C1QTNF1: variants seen among roughly 807,000 people sequenced by gnomAD.
The protein encoded by C1QTNF1 is complement C1q tumor necrosis factor-related protein 1.
Under a neutral mutation model 27.8 loss-of-function variants are expected in C1QTNF1, and 22 were observed. The ratio of observed to expected loss-of-function variants is 0.79; its 90% CI spans 0.56 to 1.13. The LOEUF is 1.13. Ranked by LOEUF, C1QTNF1 falls within the 50% of genes most tolerant of loss-of-function variation. The pLI is 0.00. For synonymous variants in C1QTNF1, 166 were observed against 154.3 expected, an observed-to-expected ratio of 1.08 and a Z score of -0.56; for missense variants, 373 against 380.2, an observed-to-expected ratio of 0.98 and a Z score of 0.16.
chr17:79,047,576 A>G lies in C1QTNF1; in HGVS notation c.334A>G (p.Lys112Glu). 1 of 1,536,914 alleles carries G rather than the reference A, an allele frequency of 6.5e-7. No homozygotes were observed. The highest frequency in any genetic ancestry group is 8.7e-7 in the Non-Finnish European group (1 of 1,144,294). ...CCGCGGAGATCGAGGCCTCCAAGGGAAATATGGCAAAACAGGCTCAGCAGG... is the reference window on the plus strand; with the variant it reads ...CCGCGGAGATCGAGGCCTCCAAGGGGAATATGGCAAAACAGGCTCAGCAGG... The part of the protein sequence containing the change: ...GDRGDRGLQG[K>E]YGKTGSAGAR... The change falls in exon 4 of 4, where the codon AAA (lysine) becomes GAA (glutamate). Residue 112 changes from lysine to glutamate, a missense_variant. Coordinates refer to ENST00000579760, the MANE Select transcript of C1QTNF1 (RefSeq NM_030968.5).
intron 1 of C1QTNF1, among the ~76,000 whole-genome samples, chr17:79,028,224 C>G (rs2072027062): frequency 1.3e-5 from 2 of 152,180 alleles, no homozygotes; most frequent in African/African-American, 4.8e-5. Context: ...TGTGCTGGGT[C>G]AAATGTTGTT....
rs552824479 is a variant in C1QTNF1, at chr17:79,032,404, C to T, written c.-15+7910C>T. 2.6e-5 allele frequency among the ~76,000 whole-genome samples: 4 copies of T among 152,208 alleles called. No individual in the cohort carries two copies. In the South Asian group the frequency reaches 8.3e-4, roughly 32 times the overall value. On this transcript the variant is annotated intron_variant, in intron 1 of 3. Coordinates refer to ENST00000579760, the MANE Select transcript of C1QTNF1 (RefSeq NM_030968.5). ...GGGACTCACGCGGGGTGGGGAAGGG[C>T]CAGATGGAAACGCTCAGGGCTTACT...
At chr17:79,029,120 A>G (rs2072058615) in intron 1 of C1QTNF1, among the ~76,000 whole-genome samples, 1 of 152,202 alleles carries the variant, frequency 6.6e-6, no homozygotes, top group African/African-American at 2.4e-5. Flanking sequence ...GATGAATGCA[A>G]GGGCTCAGCT....
chr17:79,037,829 G>T (rs572936276), intron 1 of C1QTNF1, among the ~76,000 whole-genome samples: 11 of 152,080 alleles, frequency 7.2e-5, no homozygotes, highest in African/African-American at 2.7e-4. Context: ...ACACCACCAT[G>T]CCTGGCTAAT....
chr17:79,042,390 T>C (rs2072436783), intron 1 of C1QTNF1, among the ~76,000 whole-genome samples: 1 of 152,214 alleles, frequency 6.6e-6, no homozygotes, highest in African/African-American at 2.4e-5. Flanking sequence ...AGAAGGACTG[T>C]CCCAATACTG....
At chr17:79,032,332 A>C (rs1003502853) in intron 1 of C1QTNF1, among the ~76,000 whole-genome samples, 1 of 152,186 alleles carries the variant, frequency 6.6e-6, no homozygotes, top group Non-Finnish European at 1.5e-5. Context: ...CGAGACCTCA[A>C]GTGTGATCTG....
intron 2 of C1QTNF1, among the ~76,000 whole-genome samples, chr17:79,045,532 C>T (rs1452658987): frequency 1.3e-5 from 2 of 152,092 alleles, no homozygotes; most frequent in African/African-American, 4.8e-5. Context: ...TGATGAGGGC[C>T]CTGGGCTCAG....
chr17:79,047,762 C>A lies in C1QTNF1; in HGVS notation c.520C>A (p.Leu174Ile). 6.2e-7 allele frequency: 1 copy of A among 1,614,176 alleles called. No individual in the cohort carries two copies. ...GATCTTCGACACGGAGTTCGTGAAC[C>A]TCTACGACCACTTCAACATGTTCAC... ...TVIFDTEFVN[L>I]YDHFNMFTGK... The change falls in exon 4 of 4, where the codon CTC becomes ATC. Residue 174 changes from leucine to isoleucine, a missense_variant. Leu to Ile is a conservative substitution (Grantham distance 5). Transcript: ENST00000579760.
rs767984864 is a variant in C1QTNF1, at chr17:79,047,550, A to G, written c.308A>G (p.Asp103Gly). 4 of 1,526,294 alleles carry G rather than the reference A, an allele frequency of 2.6e-6. No homozygotes were observed. In the African/African-American group the frequency reaches 4.2e-5, roughly 16 times the overall value. 94.5% of individuals were successfully genotyped at this position (1,526,294 alleles called of 1,614,324 possible). ...CCATCCCTTTTAGGGGAGAAGGGTG[A>G]CCGCGGAGATCGAGGCCTCCAAGGG... ...NITILKGEKG[D>G]RGDRGLQGKY... Residue 103 changes from aspartate (D) to glycine (G), a missense_variant, in exon 4 of 4, where the codon GAC (aspartate) becomes GGC (glycine). By Grantham distance (94) the Asp-to-Gly change is moderately conservative. Transcript: ENST00000579760.
At chr17:79,023,704 G>GCGCGCGCGCACACACACACACA (rs1267428917), upstream of C1QTNF1, among the ~76,000 whole-genome samples, 1 of 144,936 alleles carries the variant, frequency 6.9e-6, no homozygotes, top group African/African-American at 2.6e-5. Context: ...GCGCGCGCGC[G>GCGCGCGCGCACACACACACACA]CACACACACA....
upstream of C1QTNF1, among the ~76,000 whole-genome samples, chr17:79,023,704 G>GCGCGCACACACACACA (rs1267428917): frequency 1.8e-3 from 259 of 145,022 alleles, 3 homozygotes; most frequent in East Asian, 0.022. Flanking sequence ...GCGCGCGCGC[G>GCGCGCACACACACACA]CACACACACA....
rs1294630730 is a variant in C1QTNF1 at position 79,048,056 on chromosome 17, G to A, written c.814G>A (p.Gly272Ser). ...EELDTYITFSGYLVKHATEP is the reference protein window; with the variant it reads ...EELDTYITFSSYLVKHATEP ...GCTGGACACCTACATCACCTTCAGT[G>A]GCTACCTGGTCAAGCACGCCACCGA... The change falls in exon 4 of 4, where the codon GGC (glycine) becomes AGC (serine). Residue 272 changes from glycine (G) to serine (S), a missense_variant. Transcript: ENST00000579760. 6.3e-7 allele frequency: 1 copy of A among 1,580,766 alleles called. No individual in the cohort carries two copies. The highest frequency in any genetic ancestry group is 8.6e-7 in the Non-Finnish European group (1 of 1,167,084).
Position 79,049,412 on chromosome 17 carries a change from G to C in C1QTNF1, c.*1324G>C, listed in dbSNP as rs962817167. The C allele has an allele frequency of 2.0e-5, 3 of 152,352 alleles. No homozygotes were observed. Among genetic ancestry groups the C allele is most frequent in the Non-Finnish European group, 4.4e-5 (3 of 68,210 alleles). 9.4% of individuals were successfully genotyped at this position (152,352 alleles called of 1,614,324 possible). ...CAATTGCAGGACCAGCTGGAGCAGGGTTGCGGTGTCTCCACGGTGCTCTCG... is the reference window on the plus strand; with the variant it reads ...CAATTGCAGGACCAGCTGGAGCAGGCTTGCGGTGTCTCCACGGTGCTCTCG... On this transcript the variant is annotated 3_prime_UTR_variant, in exon 4 of 4. Transcript: ENST00000579760. This position sits in a 1 kb window ranked among gnomAD's most constrained non-coding sequence, Gnocchi z 4.4.
At chr17:79,043,127 G>T (rs1047286545) in intron 1 of C1QTNF1, among the ~76,000 whole-genome samples, 5 of 150,898 alleles carry the variant, frequency 3.3e-5, no homozygotes, top group Non-Finnish European at 7.4e-5. Flanking sequence ...GTATGTGAAT[G>T]TGTGTGCATG....
In C1QTNF1 at chr17:79,048,387, G is replaced by A. The variant is rs905303606; in HGVS notation, c.*299G>A. The stretch of plus-strand genomic sequence containing the variant: ...GGCGAGACGCGGGTGGCGGCAGGGC[G>A]TCCCAGGGTGCGGCACCGCGGCTCC... On this transcript the variant is annotated 3_prime_UTR_variant, in exon 4 of 4. Transcript: ENST00000579760. The A allele has an allele frequency of 3.8e-4, 133 of 349,140 alleles. 2 individuals carry two copies. The East Asian group carries it at 6.1e-3, about 16-fold the overall frequency. The allele number at this position is 349,140 out of a possible 1,614,324, so 21.6% of individuals were successfully genotyped here.
At chr17:79,047,405 G>A (rs1161265260) in intron 3 of C1QTNF1, 133 bp from the exon 4 acceptor site, 3 of 873,794 alleles carry the variant, frequency 3.4e-6, no homozygotes, top group Admixed American at 5.2e-5. Flanking sequence ...CTGGGGGCAG[G>A]AGTGAAGCTT....
At chr17:79,041,414 A>G (rs2072405252) in intron 1 of C1QTNF1, among the ~76,000 whole-genome samples, 1 of 151,938 alleles carries the variant, frequency 6.6e-6, no homozygotes, top group Admixed American at 6.5e-5. Context: ...AGAGCCCTGG[A>G]CTCCAGATCT....
At chr17:79,025,942 G>GC in intron 1 of C1QTNF1, 1 of 436,294 alleles carries the variant, frequency 2.3e-6, no homozygotes, top group Non-Finnish European at 4.6e-6. Flanking sequence ...ACAGGTTTGT[G>GC]TGTCTGCTTC....
rs530229882 is a variant in C1QTNF1 at position 79,045,674 on chromosome 17, C to G, written c.156-881C>G. 2.6e-5 allele frequency among the ~76,000 whole-genome samples: 4 copies of G among 152,240 alleles called. No individual in the cohort carries two copies. In the South Asian group the frequency reaches 8.3e-4, roughly 32 times the overall value. ...CGCTGTTGATGCCAGGAACAGAGCT[C>G]AGAAAGAGAAGATTCCAGGGGCGAA... On this transcript the variant is annotated intron_variant, in intron 2 of 3. Transcript: ENST00000579760.
Sources: allele counts gnomAD v4.1 joint callset (sites outside exome capture counted in the v4.1 genomes callset), GRCh38; gene constraint gnomAD v4.1.1; non-coding constraint Gnocchi (gnomAD v3.1); transcripts MANE v1.5; gene names NCBI Gene and HGNC (gene_info 2026-07-23, HGNC 2026-07-21).